DAB1: variants seen among roughly 807,000 people sequenced by gnomAD.
The protein encoded by DAB1 is disabled homolog 1.
DAB1 carries 15 observed loss-of-function variants against 64.6 expected under a neutral mutation model. The observed-to-expected ratio is 0.23, with a 90% CI of 0.16 to 0.36. The LOEUF is 0.36. DAB1 is among the 10% of genes least tolerant of loss of function. The probability of loss-of-function intolerance (pLI) is 1.00; values close to 1 mark genes in which losing one functional copy is unlikely to be tolerated. For missense variants in DAB1, 596 were observed against 706.7 expected, an observed-to-expected ratio of 0.84 and a Z score of 1.78; for synonymous variants, 235 against 251.9, an observed-to-expected ratio of 0.93 and a Z score of 0.64.
At chr1:57,102,329 C>T (rs971710423) in intron 4 of DAB1, among the ~76,000 whole-genome samples, 4 of 152,152 alleles carry the variant, frequency 2.6e-5, no homozygotes, top group Non-Finnish European at 5.9e-5. Flanking sequence ...ATTATGATGG[C>T]TTGAGATAAG....
intron 6 of DAB1, among the ~76,000 whole-genome samples, chr1:57,677,184 A>G (rs1386368849): frequency 6.6e-6 from 1 of 152,214 alleles, no homozygotes; most frequent in East Asian, 1.9e-4. Flanking sequence ...AGGCCTTACT[A>G]GAAACCAATC....
At chr1:57,665,736 G>C (rs533497942) in intron 6 of DAB1, among the ~76,000 whole-genome samples, 90 of 152,000 alleles carry the variant, frequency 5.9e-4, no homozygotes, top group Middle Eastern at 6.8e-3. Context: ...ATGAATATGT[G>C]TGTACACTCA....
At chr1:58,405,630 G>A (rs1242658015) in intron 3 of DAB1, among the ~76,000 whole-genome samples, 1 of 152,180 alleles carries the variant, frequency 6.6e-6, no homozygotes, top group Non-Finnish European at 1.5e-5. Context: ...AAAGTGCTAG[G>A]ATGTTTAATT....
intron 3 of DAB1, among the ~76,000 whole-genome samples, chr1:58,425,267 C>T (rs922627113): frequency 6.6e-6 from 1 of 152,160 alleles, no homozygotes; most frequent in African/African-American, 2.4e-5. Flanking sequence ...TTCTGGACTG[C>T]CAGAAAGTCC....
intron 5 of DAB1, among the ~76,000 whole-genome samples, chr1:58,100,118 AT>A (rs1293527123): frequency 6.6e-6 from 1 of 152,216 alleles, no homozygotes; most frequent in Non-Finnish European, 1.5e-5. Flanking sequence ...ATTTTAACAA[AT>A]TTTAAATATA....
intron 7 of DAB1, among the ~76,000 whole-genome samples, chr1:57,452,348 T>C (rs1686416254): frequency 6.6e-6 from 1 of 152,068 alleles, no homozygotes; most frequent in Non-Finnish European, 1.5e-5. Flanking sequence ...ATGAATATAC[T>C]TGAATTCTAG....
intron 1 of DAB1, among the ~76,000 whole-genome samples, chr1:57,351,186 C>T (rs767430006): frequency 2.6e-5 from 4 of 152,176 alleles, no homozygotes; most frequent in Admixed American, 1.3e-4. Context: ...AGTGACAGAA[C>T]TGGAACTCAA....
intron 6 of DAB1, among the ~76,000 whole-genome samples, chr1:57,669,489 TCTTAA>T (rs1646485804): frequency 2.0e-5 from 3 of 152,308 alleles, no homozygotes; most frequent in Middle Eastern, 3.4e-3. Flanking sequence ...TGAAAATTGT[TCTTAA>T]CTTACTGCTG....
chr1:57,254,812 T>G (rs197649), intron 2 of DAB1, among the ~76,000 whole-genome samples: 1 of 151,822 alleles, frequency 6.6e-6, no homozygotes, highest in Admixed American at 6.6e-5. Context: ...ATTTGGGATA[T>G]TTCCCTCCAA....
chr1:58,542,810 A>T (rs1034992609), intron 1 of DAB1, among the ~76,000 whole-genome samples: 1 of 152,208 alleles, frequency 6.6e-6, no homozygotes, highest in Non-Finnish European at 1.5e-5. Flanking sequence ...GGCCACATTC[A>T]TCCCTAGCAA....
At chr1:58,535,441 C>T (rs1159448435) in intron 1 of DAB1, among the ~76,000 whole-genome samples, 2 of 151,636 alleles carry the variant, frequency 1.3e-5, no homozygotes, top group African/African-American at 4.9e-5. Context: ...ACTAAAAATA[C>T]AAAAATTGGC....
intron 7 of DAB1, among the ~76,000 whole-genome samples, chr1:57,548,985 A>G (rs1035056296): frequency 2.0e-5 from 3 of 152,204 alleles, no homozygotes; most frequent in Admixed American, 6.5e-5. Flanking sequence ...CTTTAATAAC[A>G]TGCCCAAATG....
intron 6 of DAB1, among the ~76,000 whole-genome samples, chr1:57,692,614 A>T (rs1261839489): frequency 6.6e-6 from 1 of 152,168 alleles, no homozygotes; most frequent in Non-Finnish European, 1.5e-5. Flanking sequence ...AGGCAGGGTA[A>T]ATTTCTGTCT....
chr1:58,130,403 CTT>C (rs1329982058), intron 5 of DAB1, among the ~76,000 whole-genome samples: 2 of 151,532 alleles, frequency 1.3e-5, no homozygotes, highest in Non-Finnish European at 2.9e-5. Context: ...GGTCTTGACT[CTT>C]TATCCAACTT....
intron 9 of DAB1, among the ~76,000 whole-genome samples, chr1:57,037,937 TACAGCA>T (rs1647240399): frequency 6.6e-6 from 1 of 152,226 alleles, no homozygotes; most frequent in Non-Finnish European, 1.5e-5. Flanking sequence ...TGCTGTCCAA[TACAGCA>T]GTCAGTAGAT....
At chr1:58,421,414 C>T (rs1249177339) in intron 3 of DAB1, among the ~76,000 whole-genome samples, 1 of 152,194 alleles carries the variant, frequency 6.6e-6, no homozygotes, top group Non-Finnish European at 1.5e-5. Flanking sequence ...AGCTCTGGAG[C>T]AGAAGGGAGA....
chr1:58,146,055 A>T (rs576015555), intron 5 of DAB1, among the ~76,000 whole-genome samples: 3 of 152,294 alleles, frequency 2.0e-5, no homozygotes, highest in African/African-American at 7.2e-5. Context: ...TTTCTTAATA[A>T]CATTATCTTT....
chr1:58,452,760 G>A (rs897324638), intron 3 of DAB1, among the ~76,000 whole-genome samples: 3 of 151,780 alleles, frequency 2.0e-5, no homozygotes, highest in Non-Finnish European at 4.4e-5. Flanking sequence ...CCCGGGAGGT[G>A]GAGGTTGCGG....
At chr1:58,280,644 T>C (rs6668411) in intron 4 of DAB1, among the ~76,000 whole-genome samples, 139,967 of 152,294 alleles carry the variant, frequency 0.92, 64,328 homozygotes, top group South Asian at 0.95. Flanking sequence ...CCTGGCACTT[T>C]CCAGCTACAT....
Sources: gnomAD v4.1 joint callset for allele counts (sites outside exome capture counted in the v4.1 genomes callset) on GRCh38, gnomAD v4.1.1 for gene constraint, MANE v1.5 for transcripts, NCBI Gene and HGNC (gene_info 2026-07-23, HGNC 2026-07-21) for gene names.